NFATC3: variants seen among roughly 807,000 people sequenced by gnomAD.
The protein encoded by NFATC3 is nuclear factor of activated T cells 3, also known as nuclear factor of activated T-cells, cytoplasmic 3.
NFATC3 carries 46 observed loss-of-function variants against 98.6 expected under a neutral mutation model. The observed-to-expected ratio is 0.47, with a 90% confidence interval of 0.37 to 0.60. NFATC3 has a LOEUF of 0.60. Among genes scored for constraint, NFATC3 ranks in the 20% least tolerant of loss-of-function variants. NFATC3 has a pLI of 0.00. For missense variants in NFATC3, 1,256 were observed against 1,295.5 expected (o/e 0.97, Z 0.47); for synonymous variants, 512 against 472.2 (o/e 1.08, Z -1.09).
rs1447090318 is a variant in NFATC3, at chr16:68,214,245, A to G, written c.3107-12105A>G. 1.4e-5 allele frequency: 14 copies of G among 1,000,302 alleles called. No individual in the cohort carries two copies. In the East Asian group the frequency reaches 2.9e-4, roughly 21 times the overall value. 62.0% of individuals were successfully genotyped at this position (1,000,302 alleles called of 1,614,324 possible). ...AGTTAAATTCCTTTTGATTATAGAA[A>G]AAAAACAGGCTGGGCACTGTAGTAG... On this transcript the variant is annotated intron_variant, in intron 9 of 9. Transcript: ENST00000346183.
Position 68,217,334 on chromosome 16 carries a change from A to G in NFATC3, c.3107-9016A>G, listed in dbSNP as rs1226918476. The stretch of plus-strand genomic sequence containing the variant: ...ATAGTCCCAGCTACTCGGGAGGCTG[A>G]GGCAGGAGGCTCCCTTGAGCATGGG... On this transcript the variant is annotated intron_variant, in intron 9 of 9. Transcript: ENST00000346183. Among the ~76,000 whole-genome samples, 3 of 152,016 alleles carry G rather than the reference A, an allele frequency of 2.0e-5. 1 individual carries two copies. In the East Asian group the frequency reaches 5.8e-4, roughly 29 times the overall value.
At chr16:68,199,385 G>A (rs1194165411) in intron 9 of NFATC3, among the ~76,000 whole-genome samples, 1 of 149,074 alleles carries the variant, frequency 6.7e-6, no homozygotes, top group Non-Finnish European at 1.5e-5. Flanking sequence ...CACCACGCCC[G>A]GCTAATTTTT....
At chr16:68,104,492 C>A (rs1018491737) in intron 1 of NFATC3, among the ~76,000 whole-genome samples, 1 of 151,928 alleles carries the variant, frequency 6.6e-6, no homozygotes, top group Non-Finnish European at 1.5e-5. Flanking sequence ...TCTTCCTTTC[C>A]AATTTGGATG....
intron 9 of NFATC3, chr16:68,200,829 A>G (rs1424549841): frequency 6.6e-6 from 1 of 152,194 alleles, no homozygotes; most frequent in South Asian, 2.1e-4. Context: ...AATTTTCCGT[A>G]AACATTTATG....
intron 1 of NFATC3, among the ~76,000 whole-genome samples, chr16:68,090,329 ACACACACACACG>A (rs1223950736): frequency 1.1e-4 from 13 of 120,000 alleles, no homozygotes; most frequent in Non-Finnish European, 1.5e-4. Context: ...AAAAACACAC[ACACACACACACG>A]CACACACACA....
At chr16:68,123,496 A>C (rs1451969359) in intron 2 of NFATC3, among the ~76,000 whole-genome samples, 2 of 125,742 alleles carry the variant, frequency 1.6e-5, no homozygotes, top group Non-Finnish European at 3.3e-5. Flanking sequence ...TCCTGTCTCT[A>C]CAAAAAAAAA....
intron 9 of NFATC3, among the ~76,000 whole-genome samples, chr16:68,218,620 C>G (rs148537303): frequency 0.11 from 15,610 of 147,208 alleles, 936 homozygotes; most frequent in South Asian, 0.2. Context: ...GTCACCCAGG[C>G]TGGAGTGCAG....
At chr16:68,102,509 A>G (rs1184424576) in intron 1 of NFATC3, among the ~76,000 whole-genome samples, 1 of 145,990 alleles carries the variant, frequency 6.8e-6, no homozygotes. Flanking sequence ...TCTCCATTTT[A>G]TTCCATTGTT....
intron 1 of NFATC3, among the ~76,000 whole-genome samples, chr16:68,093,938 A>G (rs1324770538): frequency 1.3e-5 from 2 of 151,718 alleles, no homozygotes; most frequent in Non-Finnish European, 2.9e-5. Flanking sequence ...TGTCTTACAA[A>G]TTACATGTGT....
chr16:68,160,948 G>T (rs2038862457), intron 4 of NFATC3, among the ~76,000 whole-genome samples: 1 of 136,158 alleles, frequency 7.3e-6, no homozygotes, highest in Non-Finnish European at 1.5e-5. Context: ...GCCTCCCAAA[G>T]TGCTGGGATT....
intron 1 of NFATC3, among the ~76,000 whole-genome samples, chr16:68,088,061 A>G (rs961727319): frequency 1.3e-5 from 2 of 152,128 alleles, no homozygotes; most frequent in African/African-American, 4.8e-5. Context: ...ACTAAGCATA[A>G]TTATGAGTAT....
At chr16:68,218,903 G>A (rs935817794) in intron 9 of NFATC3, among the ~76,000 whole-genome samples, 1 of 151,516 alleles carries the variant, frequency 6.6e-6, no homozygotes, top group Admixed American at 6.6e-5. Context: ...TTGCATACAT[G>A]TAGGCTTCAT....
chr16:68,117,405 G>T (rs920430153), intron 1 of NFATC3, among the ~76,000 whole-genome samples: 3 of 152,048 alleles, frequency 2.0e-5, no homozygotes, highest in South Asian at 4.1e-4. Context: ...TTCCCATCTC[G>T]CAAGGCCTTA....
At chr16:68,202,073 C>G (rs1462495657) in intron 9 of NFATC3, among the ~76,000 whole-genome samples, 1 of 148,760 alleles carries the variant, frequency 6.7e-6, no homozygotes, top group Non-Finnish European at 1.5e-5. Context: ...CCTGTTACAA[C>G]TTTCCATTAA....
At chr16:68,134,921 C>T (rs762954029) in intron 3 of NFATC3, among the ~76,000 whole-genome samples, 27 of 151,970 alleles carry the variant, frequency 1.8e-4, no homozygotes, top group Non-Finnish European at 3.8e-4. Context: ...AATGTGGTAA[C>T]TTAATATTAA....
At position 68,213,108 on chromosome 16, in the gene NFATC3, C is replaced by A. The variant is rs868093686; in HGVS notation, c.3107-13242C>A. Among the ~76,000 whole-genome samples, 77 of 150,488 alleles carry A rather than the reference C, an allele frequency of 5.1e-4. 2 individuals are homozygous for A. The highest frequency in any genetic ancestry group is 3.6e-4 in the Non-Finnish European group (24 of 67,500). ...GCCACCATGCCCGGCCTGTTTCTTT[C>A]TCTTCTTTAAAATACTAGTTTCAGG... is the stretch of plus-strand genomic sequence containing the variant. On this transcript the variant is annotated intron_variant, in intron 9 of 9. Coordinates refer to ENST00000346183, the MANE Select transcript of NFATC3 (RefSeq NM_173165.3).
chr16:68,122,956 G>A lies in NFATC3; in HGVS notation c.1073G>A (p.Cys358Tyr). The A allele has an allele frequency of 2.5e-6, 4 of 1,614,162 alleles. No individual in the cohort carries two copies. Among genetic ancestry groups the A allele is most frequent in the Non-Finnish European group, 3.4e-6 (4 of 1,180,030 alleles). Reference protein sequence around the residue: ...AAILPGKLELCSDDQGSLSPA... With the variant: ...AAILPGKLELYSDDQGSLSPA... ...ATACTACCAGGAAAATTAGAGCTGTGTTCAGATGACCAAGGGAGTTTATCA... is the reference window on the plus strand; with the variant it reads ...ATACTACCAGGAAAATTAGAGCTGTATTCAGATGACCAAGGGAGTTTATCA... Residue 358 changes from cysteine (C) to tyrosine (Y), a missense_variant, in exon 2 of 10, where the codon TGT becomes TAT. Physicochemically the swap from Cys to Tyr is radical, Grantham distance 194. Around this residue, in one of 3 missense-constraint regions of NFATC3, gnomAD observed 464 missense variants for 465.7 expected, o/e 1.00. Transcript: ENST00000346183.
At chr16:68,154,057 C>T (rs2038482318) in intron 3 of NFATC3, among the ~76,000 whole-genome samples, 3 of 152,088 alleles carry the variant, frequency 2.0e-5, no homozygotes, top group Admixed American at 2.0e-4. Flanking sequence ...GCTAGGACTA[C>T]AGGAGCACAC....
chr16:68,181,516 G>GA lies in NFATC3; in HGVS notation c.1962dup (p.Cys655MetfsTer9). 6.2e-7 allele frequency: 1 copy of GA among 1,610,224 alleles called. No homozygotes were observed. Among genetic ancestry groups the GA allele is most frequent in the Non-Finnish European group, 8.5e-7 (1 of 1,176,932 alleles). On this transcript the variant is annotated frameshift_variant, in exon 7 of 10. Transcript: ENST00000346183. LOFTEE classifies it high-confidence loss of function. Reference sequence around the variant, plus strand: ...GGAGGTAGAAGGGAAGATAATCAGGGAAAAATGTCAAGGGGTAAGAAATTT... The same window carrying GA: ...GGAGGTAGAAGGGAAGATAATCAGGGAAAAAATGTCAAGGGGTAAGAAATTT...
Sources: allele counts gnomAD v4.1 joint callset (sites outside exome capture counted in the v4.1 genomes callset), GRCh38; gene constraint gnomAD v4.1.1; regional missense constraint gnomAD v4.1.1; transcripts MANE v1.5; gene names NCBI Gene and HGNC (gene_info 2026-07-23, HGNC 2026-07-21).